LOC400499: variants seen among roughly 807,000 people sequenced by gnomAD.
the LOC400499 span, among the ~76,000 whole-genome samples, chr16:11,477,661 A>G: frequency 2.0e-5 from 3 of 152,164 alleles, no homozygotes; most frequent in Non-Finnish European, 2.9e-5. Flanking sequence ...TGTAAAGTGG[A>G]TCTAACCACC....
the LOC400499 span, among the ~76,000 whole-genome samples, chr16:11,406,345 C>T: frequency 2.0e-5 from 3 of 152,212 alleles, no homozygotes; most frequent in Non-Finnish European, 4.4e-5. Context: ...GAATTTCATT[C>T]TTTTTTCCGG....
the LOC400499 span, among the ~76,000 whole-genome samples, chr16:11,449,716 G>A: frequency 1.3e-5 from 2 of 152,234 alleles, no homozygotes; most frequent in African/African-American, 2.4e-5. Context: ...CCATGTCACT[G>A]ATCCTTGGTT....
the LOC400499 span, chr16:11,439,532 T>G: frequency 2.5e-6 from 1 of 399,052 alleles, no homozygotes; most frequent in African/African-American, 2.1e-5. Context: ...ATGCCTGAGT[T>G]GGAAGAAAAA....
the LOC400499 span, among the ~76,000 whole-genome samples, chr16:11,411,690 GTCCATCAA>G: frequency 1.2e-4 from 19 of 152,188 alleles, no homozygotes; most frequent in African/African-American, 4.3e-4. Flanking sequence ...TCTTCCATGA[GTCCATCAA>G]TGAGCTTTCT....
At chr16:11,414,109 G>A in the LOC400499 span, among the ~76,000 whole-genome samples, 2 of 152,228 alleles carry the variant, frequency 1.3e-5, no homozygotes, top group Non-Finnish European at 2.9e-5. Flanking sequence ...GCAGGAGCCA[G>A]ACGAGGCTCC....
the LOC400499 span, among the ~76,000 whole-genome samples, chr16:11,435,331 C>T: frequency 6.6e-6 from 1 of 152,100 alleles, no homozygotes; most frequent in Non-Finnish European, 1.5e-5. Context: ...GCAAGCTGCT[C>T]TTGAGCTCCT....
the LOC400499 span, among the ~76,000 whole-genome samples, chr16:11,480,651 T>C: frequency 7.9e-5 from 12 of 152,128 alleles, no homozygotes; most frequent in Non-Finnish European, 1.8e-4. Context: ...GCTAAAGATA[T>C]ATACACCCTA....
At chr16:11,393,464 G>T in the LOC400499 span, 4 of 1,232,178 alleles carry the variant, frequency 3.2e-6, no homozygotes, top group Non-Finnish European at 4.0e-6. Context: ...TCTCCTCTCT[G>T]TTGTCCACGC....
the LOC400499 span, among the ~76,000 whole-genome samples, chr16:11,449,908 C>A: frequency 6.6e-6 from 1 of 152,272 alleles, no homozygotes; most frequent in Non-Finnish European, 1.5e-5. Context: ...CACCCCGGGC[C>A]AGGCCGCCAT....
chr16:11,393,164 C>CCCCCT, the LOC400499 span, among the ~76,000 whole-genome samples: 4 of 115,066 alleles, frequency 3.5e-5, no homozygotes, highest in African/African-American at 1.2e-4. Flanking sequence ...ACCCCCCCCC[C>CCCCCT]TTTTTTTTAA....
At chr16:11,383,390 C>G in the LOC400499 span, among the ~76,000 whole-genome samples, 2 of 152,178 alleles carry the variant, frequency 1.3e-5, no homozygotes, top group South Asian at 4.1e-4. Flanking sequence ...TTTAAACAAC[C>G]TGCTCTCATG....
the LOC400499 span, among the ~76,000 whole-genome samples, chr16:11,411,561 T>C: frequency 6.6e-6 from 1 of 152,222 alleles, no homozygotes; most frequent in Non-Finnish European, 1.5e-5. Flanking sequence ...TGGCTTGGCC[T>C]CTGCCTAGCT....
At chr16:11,396,419 C>T in the LOC400499 span, 4 of 1,180,366 alleles carry the variant, frequency 3.4e-6, no homozygotes, top group South Asian at 4.4e-5. Flanking sequence ...GCGGGGCCGC[C>T]CAGGCAGTTG....
the LOC400499 span, among the ~76,000 whole-genome samples, chr16:11,386,791 C>T: frequency 9.8e-5 from 15 of 152,326 alleles, no homozygotes; most frequent in Admixed American, 5.9e-4. Flanking sequence ...GGCTACAGGT[C>T]GCCTCTGACC....
the LOC400499 span, among the ~76,000 whole-genome samples, chr16:11,434,028 G>A: frequency 2.0e-5 from 3 of 152,196 alleles, no homozygotes; most frequent in Non-Finnish European, 2.9e-5. Flanking sequence ...TTGGTCAGGA[G>A]GCAGGGGAAG....
At chr16:11,432,415 G>A in the LOC400499 span, among the ~76,000 whole-genome samples, 1 of 152,234 alleles carries the variant, frequency 6.6e-6, no homozygotes, top group African/African-American at 2.4e-5. Context: ...CAAAAGCCCT[G>A]TGAGTTTTGA....
the LOC400499 span, chr16:11,439,581 C>A: frequency 2.5e-6 from 1 of 399,096 alleles, no homozygotes; most frequent in East Asian, 3.6e-5. Flanking sequence ...TGGACCGAGG[C>A]CTGTTGCAGG....
At chr16:11,446,803 C>A in the LOC400499 span, 1 of 1,536,028 alleles carries the variant, frequency 6.5e-7, no homozygotes, top group Non-Finnish European at 8.7e-7. Context: ...TTCCTCTCGG[C>A]CATTCAGGAC....
chr16:11,464,976 C>T, the LOC400499 span, among the ~76,000 whole-genome samples: 329 of 152,316 alleles, frequency 2.2e-3, 4 homozygotes, highest in African/African-American at 7.9e-3. Flanking sequence ...GGTCTTCCCC[C>T]ACCCAGGCTG....
Sources: allele counts gnomAD v4.1 joint callset (sites outside exome capture counted in the v4.1 genomes callset), GRCh38; gene constraint gnomAD v4.1.1; transcripts MANE v1.5.